ADCY8: variants seen among roughly 807,000 people sequenced by gnomAD.
ADCY8 encodes the protein adenylate cyclase type 8.
In ADCY8, 51 loss-of-function variants were observed where a neutral mutation model predicts 119.7. The ratio of observed to expected loss-of-function variants is 0.43; its 90% CI spans 0.34 to 0.54. ADCY8 has a LOEUF of 0.54. Ranked by LOEUF, ADCY8 falls within the 20% of genes least tolerant of loss-of-function variation. ADCY8 has a pLI of 0.03. For missense variants in ADCY8, 1,383 were observed against 1,598.8 expected, an observed-to-expected ratio of 0.87 and a Z score of 2.30; for synonymous variants, 665 against 651.0, an observed-to-expected ratio of 1.02 and a Z score of -0.33.
intron 6 of ADCY8, among the ~76,000 whole-genome samples, chr8:130,907,281 G>A (rs1479813797): frequency 3.3e-5 from 5 of 152,040 alleles, no homozygotes; most frequent in South Asian, 4.1e-4. Context: ...ATAAACTCTC[G>A]GGTAATTCCA....
At chr8:130,897,637 G>A (rs975740910) in intron 7 of ADCY8, among the ~76,000 whole-genome samples, 5 of 1,732 alleles carry the variant, frequency 2.9e-3, no homozygotes, top group Non-Finnish European at 5.5e-3. Context: ...CTAAATAGCC[G>A]TGGTGAGCAA....
intron 8 of ADCY8, among the ~76,000 whole-genome samples, chr8:130,878,151 C>T (rs1470259754): frequency 6.6e-6 from 1 of 152,184 alleles, no homozygotes; most frequent in Non-Finnish European, 1.5e-5. Flanking sequence ...ATCACCCAAC[C>T]GGTAACTGGT....
At chr8:130,792,344 G>A (rs9297814) in intron 15 of ADCY8, among the ~76,000 whole-genome samples, 97,191 of 152,052 alleles carry the variant, frequency 0.64, 32,556 homozygotes, top group African/African-American at 0.82. Flanking sequence ...TTTCCATCTA[G>A]CTCATTTCCT....
chr8:130,785,337 G>T, intron 16 of ADCY8, 46 bp downstream of exon 16: 1 of 1,400,398 alleles, frequency 7.1e-7, no homozygotes, highest in Non-Finnish European at 9.8e-7. Flanking sequence ...CATGACAACA[G>T]CAAGACCCCA....
At chr8:130,877,422 G>A (rs2860416) in intron 8 of ADCY8, among the ~76,000 whole-genome samples, 22,024 of 152,182 alleles carry the variant, frequency 0.14, 1,903 homozygotes, top group South Asian at 0.36. Context: ...AGCTGTTCCT[G>A]ATGGACTTCC....
At chr8:130,927,739 A>G (rs942081025) in intron 5 of ADCY8, among the ~76,000 whole-genome samples, 1 of 152,042 alleles carries the variant, frequency 6.6e-6, no homozygotes, top group Non-Finnish European at 1.5e-5. Flanking sequence ...AAATCATGTC[A>G]TCTGCAAACA....
At chr8:131,006,639 ATCCCTGGTGGCTTAGCGGACAGATCAC>A (rs2130772273) in intron 1 of ADCY8, among the ~76,000 whole-genome samples, 1 of 152,218 alleles carries the variant, frequency 6.6e-6, no homozygotes, top group South Asian at 2.1e-4. Flanking sequence ...CACAGTCACA[ATCCCTGGTGGCTTAGCGGACAGATCAC>A]TGCCTGGGTC....
intron 1 of ADCY8, 60 bp from the exon 2 acceptor site, chr8:130,990,602 A>T: frequency 6.4e-7 from 1 of 1,568,574 alleles, no homozygotes; most frequent in Middle Eastern, 2.0e-4. Context: ...AGCAACAATA[A>T]AATACACAAA....
At chr8:130,827,592 G>T (rs993080081) in intron 12 of ADCY8, among the ~76,000 whole-genome samples, 1 of 152,112 alleles carries the variant, frequency 6.6e-6, no homozygotes, top group African/African-American at 2.4e-5. Context: ...GAGAGAGCTA[G>T]TTTCCTTTCT....
At chr8:131,027,604 A>G (rs964928618) in intron 1 of ADCY8, among the ~76,000 whole-genome samples, 39 of 152,214 alleles carry the variant, frequency 2.6e-4, no homozygotes, top group African/African-American at 9.4e-4. Flanking sequence ...AATTTCATGT[A>G]GATATCAGAC....
At chr8:130,959,367 C>T (rs1261673035) in intron 2 of ADCY8, among the ~76,000 whole-genome samples, 1 of 152,106 alleles carries the variant, frequency 6.6e-6, no homozygotes, top group Non-Finnish European at 1.5e-5. Flanking sequence ...TTTACACATT[C>T]TTCATTTAAT....
At position 130,785,377 on chromosome 8, in the gene ADCY8, C is replaced by G; in HGVS notation, c.3153+6G>C. The G allele has an allele frequency of 6.2e-7, 1 of 1,602,838 alleles. No individual in the cohort carries two copies. Among genetic ancestry groups the G allele is most frequent in the Non-Finnish European group, 8.5e-7 (1 of 1,173,916 alleles). On this transcript the variant is annotated splice_donor_region_variant and intron_variant, in intron 16 of 17. Transcript: ENST00000286355. ...GCATTGTGGCTGAGTCCAAAGAGTCCTTTACCTGTTTTTCAGGTGACAGGC... is the reference window on the plus strand; with the variant it reads ...GCATTGTGGCTGAGTCCAAAGAGTCGTTTACCTGTTTTTCAGGTGACAGGC...
chr8:130,866,181 C>T (rs923245274), intron 9 of ADCY8, among the ~76,000 whole-genome samples: 1 of 152,018 alleles, frequency 6.6e-6, no homozygotes. Context: ...GTTTTGCTAT[C>T]TAGTTGGTCA....
At chr8:131,024,494 G>A (rs1823766208) in intron 1 of ADCY8, among the ~76,000 whole-genome samples, 3 of 152,134 alleles carry the variant, frequency 2.0e-5, no homozygotes, top group Non-Finnish European at 2.9e-5. Context: ...TGCCAAAGTC[G>A]GGCTCCAGGT....
chr8:130,916,557 TAA>T (rs1364216119), intron 5 of ADCY8, among the ~76,000 whole-genome samples: 1 of 152,136 alleles, frequency 6.6e-6, no homozygotes, highest in Non-Finnish European at 1.5e-5. Flanking sequence ...TGGCCATAAA[TAA>T]AATCTCTGCA....
intron 1 of ADCY8, among the ~76,000 whole-genome samples, chr8:131,020,762 C>G (rs1410001935): frequency 6.7e-6 from 1 of 150,110 alleles, no homozygotes; most frequent in East Asian, 1.9e-4. Context: ...TGCTAAGCAC[C>G]CTCGGGGACT....
At chr8:131,000,248 C>T (rs1563762348) in intron 1 of ADCY8, among the ~76,000 whole-genome samples, 1 of 152,144 alleles carries the variant, frequency 6.6e-6, no homozygotes, top group South Asian at 2.1e-4. Flanking sequence ...TGATGGAGAC[C>T]TTTGATATTC....
intron 4 of ADCY8, 25 bp downstream of exon 4, chr8:130,943,326 G>T: frequency 6.5e-7 from 1 of 1,534,848 alleles, no homozygotes; most frequent in Non-Finnish European, 9.0e-7. Flanking sequence ...TGCAAAAGAC[G>T]AGGAGGAAAT....
chr8:130,967,255 G>C (rs1821790043), intron 2 of ADCY8, among the ~76,000 whole-genome samples: 1 of 152,320 alleles, frequency 6.6e-6, no homozygotes, highest in East Asian at 1.9e-4. Context: ...GATTCAGCAA[G>C]GAGGGTGGAA....
Sources: gnomAD v4.1 joint callset for allele counts (sites outside exome capture counted in the v4.1 genomes callset) on GRCh38, gnomAD v4.1.1 for gene constraint, MANE v1.5 for transcripts, NCBI Gene and HGNC (gene_info 2026-07-23, HGNC 2026-07-21) for gene names.